Variants in VPS51 observed in about 807,000 individuals in gnomAD.
The protein encoded by VPS51 is vacuolar protein sorting-associated protein 51 homolog.
Under a neutral mutation model 65.1 loss-of-function variants are expected in VPS51, and 55 were observed. The ratio of observed to expected loss-of-function variants is 0.84; its 90% CI spans 0.68 to 1.06. The LOEUF (loss-of-function observed/expected upper bound fraction) is 1.06, where lower values mean the gene tolerates loss of function less well. Among genes scored for constraint, VPS51 ranks in the 50% least tolerant of loss-of-function variants. VPS51 has a pLI of 0.00. For missense variants in VPS51, 943 were observed against 1,101.6 expected (o/e 0.86, Z 2.04); for synonymous variants, 473 against 489.5 (o/e 0.97, Z 0.44).
chr11:65,110,555 A>G lies in VPS51; in HGVS notation c.1952A>G (p.Tyr651Cys). 6.2e-7 allele frequency: 1 copy of G among 1,614,028 alleles called. No homozygotes were observed. Among genetic ancestry groups the G allele is most frequent in the East Asian group, 2.2e-5 (1 of 44,882 alleles). ...SDSSKRTFSVYSSSRQQGRYA... is the reference protein window; with the variant it reads ...SDSSKRTFSVCSSSRQQGRYA... The stretch of plus-strand genomic sequence containing the variant: ...TCCAGCAAGAGGACTTTCTCCGTGT[A>G]CAGCAGCTCTCGGCAGCAGGGCCGC... The change falls in exon 8 of 10, where the codon TAC becomes TGC. Residue 651 changes from tyrosine to cysteine, a missense_variant. Physicochemically the swap from Tyr to Cys is radical, Grantham distance 194. Coordinates refer to ENST00000279281, the MANE Select transcript of VPS51 (RefSeq NM_013265.4).
At chr11:65,096,651 A>G in intron 1 of VPS51, 173 bp downstream of exon 1, 1 of 647,880 alleles carries the variant, frequency 1.5e-6, no homozygotes, top group Non-Finnish European at 2.6e-6. Flanking sequence ...GTCTGAGGGG[A>G]TGTGAGTAGG....
At chr11:65,111,165 C>A in intron 9 of VPS51, 162 bp from the exon 10 acceptor site, 1 of 1,082,510 alleles carries the variant, frequency 9.2e-7, no homozygotes, top group Non-Finnish European at 1.4e-6. Context: ...CTCCAGATGA[C>A]GGCGCTAATA....
At chr11:65,108,173 C>A in intron 4 of VPS51, 24 bp from the exon 5 acceptor site, 1 of 1,594,264 alleles carries the variant, frequency 6.3e-7, no homozygotes, top group South Asian at 1.1e-5. Context: ...CGGCCCTGCC[C>A]TTCACTACCT....
In VPS51 at chr11:65,098,121, C is replaced by T. The variant is rs980691558; in HGVS notation, c.358+994C>T. Among the ~76,000 whole-genome samples the T allele has an allele frequency of 2.1e-4, 32 of 151,984 alleles. 1 individual carries two copies. Among genetic ancestry groups the T allele is most frequent in the Admixed American group, 1.7e-3 (26 of 15,252 alleles). On this transcript the variant is annotated intron_variant, in intron 2 of 9. Coordinates refer to ENST00000279281, the MANE Select transcript of VPS51 (RefSeq NM_013265.4). The stretch of plus-strand genomic sequence containing the variant: ...ACTTGAACCTGGGAGGTGGAGGCTG[C>T]GGTGAGCCAAGATCACGTCACTGCA...
chr11:65,110,398 G>T (rs1490382977), intron 7 of VPS51, 84 bp from the exon 8 acceptor site: 8 of 1,602,138 alleles, frequency 5.0e-6, no homozygotes, highest in Non-Finnish European at 6.8e-6. Flanking sequence ...TGCTTGAGTA[G>T]CTGACTTAGG....
At chr11:65,104,956 C>T (rs901551530) in intron 2 of VPS51, among the ~76,000 whole-genome samples, 11 of 152,150 alleles carry the variant, frequency 7.2e-5, no homozygotes, top group Non-Finnish European at 1.6e-4. Context: ...TTTTTGCAAT[C>T]CATTTTGGTA....
intron 5 of VPS51, 62 bp from the exon 6 acceptor site, chr11:65,109,218 G>T (rs1565316056): frequency 1.3e-6 from 2 of 1,547,776 alleles, no homozygotes; most frequent in Non-Finnish European, 1.8e-6. Context: ...CCAGCAGAGG[G>T]TCATTAACAG....
rs1947880839 is a variant in VPS51 at position 65,110,032 on chromosome 11, G to A, written c.1878+109G>A. The A allele has an allele frequency of 2.5e-6, 3 of 1,213,794 alleles. No individual in the cohort carries two copies. The Admixed American group carries it at 6.6e-5, about 27-fold the overall frequency. 75.2% of individuals were successfully genotyped at this position (1,213,794 alleles called of 1,614,324 possible). ...CTGGCAGTCCCTGCCTGGAGGAGGG[G>A]ACATGTGTATCTGGGCTTCTCACGG... On this transcript the variant is annotated intron_variant, in intron 7 of 9. Coordinates refer to ENST00000279281, the MANE Select transcript of VPS51 (RefSeq NM_013265.4).
In VPS51 at chr11:65,107,336, C is replaced by T. The variant is rs1947848856; in HGVS notation, c.359-245C>T. On this transcript the variant is annotated intron_variant, in intron 2 of 9. Transcript: ENST00000279281. The surrounding 1 kb of genome is among the most constrained non-coding windows in gnomAD (Gnocchi z 4.0). The stretch of plus-strand genomic sequence containing the variant: ...TCTGGACTAATTCTGAGGGCCGGCT[C>T]TCCTGGGCACCAGGGTTAGGGGGTT... 1.6e-6 allele frequency: 1 copy of T among 625,596 alleles called. No individual in the cohort carries two copies. 38.8% of individuals were successfully genotyped at this position (625,596 alleles called of 1,614,324 possible). A position where few individuals can be genotyped will look rare whatever the true frequency, so the allele number is the denominator to read the frequency against.
chr11:65,111,174 T>G, intron 9 of VPS51, 153 bp from the exon 10 acceptor site: 1 of 1,157,024 alleles, frequency 8.6e-7, no homozygotes, highest in Non-Finnish European at 1.2e-6. Context: ...ACGGCGCTAA[T>G]ATTGTATCCC....
chr11:65,101,827 T>C (rs1590810613), intron 2 of VPS51, among the ~76,000 whole-genome samples: 1 of 137,482 alleles, frequency 7.3e-6, no homozygotes, highest in East Asian at 2.1e-4. Flanking sequence ...TGCACATAAG[T>C]GGACAGCTCC....
intron 2 of VPS51, among the ~76,000 whole-genome samples, chr11:65,100,044 A>G (rs989535254): frequency 2.6e-5 from 4 of 152,154 alleles, no homozygotes; most frequent in African/African-American, 9.7e-5. Context: ...CGGAGGTTGC[A>G]GTGAGTCGAG....
rs764733321 is a variant in VPS51 at position 65,109,319 on chromosome 11, G to A, written c.1483G>A (p.Val495Met). ...TCAGGGTGTCCGTGAGGGCCTCATC[G>A]TGGGCTTCGTCCACTCTATGTGCCA... is the stretch of plus-strand genomic sequence containing the variant. ...CSQGVREGLI[V>M]GFVHSMCQTA... The change falls in exon 6 of 10, where the codon GTG becomes ATG. Residue 495 changes from valine (V) to methionine (M), a missense_variant. Transcript: ENST00000279281. 8.1e-6 allele frequency: 13 copies of A among 1,613,366 alleles called. No homozygotes were observed. The highest frequency in any genetic ancestry group is 6.6e-5 in the South Asian group (6 of 91,086).
chr11:65,109,048 G>C (rs1041977202), intron 5 of VPS51, 134 bp downstream of exon 5: 155 of 1,205,562 alleles, frequency 1.3e-4, no homozygotes, highest in Middle Eastern at 4.5e-4. Context: ...GGTCTGGGGG[G>C]TGGGGAAGGC....
intron 1 of VPS51, 40 bp downstream of exon 1, chr11:65,096,518 G>GGGGGGGGGGGTGGGGGGGGGGGGC: frequency 2.0e-6 from 1 of 499,408 alleles, no homozygotes; most frequent in Non-Finnish European, 3.7e-6. Flanking sequence ...GGGGAGGGGG[G>GGGGGGGGGGGTGGGGGGGGGGGGC]AAGGGAACCA....
intron 2 of VPS51, 150 bp downstream of exon 2, chr11:65,097,277 C>A: frequency 3.2e-6 from 4 of 1,231,790 alleles, no homozygotes; most frequent in Non-Finnish European, 4.5e-6. Context: ...TCCTTTGAGC[C>A]TTCGTTGTCA....
chr11:65,106,545 A>T (rs1376274508), intron 2 of VPS51, among the ~76,000 whole-genome samples: 3 of 152,086 alleles, frequency 2.0e-5, no homozygotes, highest in Non-Finnish European at 4.4e-5. Context: ...AGGTCAGGAG[A>T]TCAAGACCAT....
chr11:65,096,512 A>AGGGGGGGGGGGGGGGGGGGGGGGT, intron 1 of VPS51, 34 bp downstream of exon 1: 2 of 440,866 alleles, frequency 4.5e-6, no homozygotes, highest in Non-Finnish European at 7.9e-6. Flanking sequence ...GGGTGCGGGG[A>AGGGGGGGGGGGGGGGGGGGGGGGT]GGGGGGAAGG....
chr11:65,108,427 C>T lies in VPS51; in HGVS notation c.956C>T (p.Ala319Val), dbSNP rs892953648. 1.9e-6 allele frequency: 3 copies of T among 1,611,834 alleles called. No homozygotes were observed. The highest frequency in any genetic ancestry group is 2.5e-6 in the Non-Finnish European group (3 of 1,179,632). The change falls in exon 5 of 10, where the codon GCG (alanine) becomes GTG (valine). Residue 319 changes from alanine (A) to valine (V), a missense_variant. Coordinates refer to ENST00000279281, the MANE Select transcript of VPS51 (RefSeq NM_013265.4). ...TTCGTGGGCGGCCTCTGCCAGGTGGCGGCGGCCTACCAGGAGCTGTTTGCG... is the reference window on the plus strand; with the variant it reads ...TTCGTGGGCGGCCTCTGCCAGGTGGTGGCGGCCTACCAGGAGCTGTTTGCG... ...SGFVGGLCQV[A>V]AAYQELFAAQ...
Sources: gnomAD v4.1 joint callset for allele counts (sites outside exome capture counted in the v4.1 genomes callset) on GRCh38, gnomAD v4.1.1 for gene constraint, Gnocchi (gnomAD v3.1) non-coding constraint, MANE v1.5 for transcripts, NCBI Gene and HGNC (gene_info 2026-07-23, HGNC 2026-07-21) for gene names.